The following NEXMIF variants were observed in gnomAD, a reference collection of about 807,000 sequenced individuals.
NEXMIF encodes the protein neurite extension and migration factor.
In NEXMIF, 8 loss-of-function variants were observed where a neutral mutation model predicts 62.1. The observed-to-expected ratio is 0.13, with a 90% CI of 0.08 to 0.23. The LOEUF (loss-of-function observed/expected upper bound fraction) is 0.23. NEXMIF is among the 10% of genes least tolerant of loss of function. The pLI, the probability that NEXMIF is intolerant of heterozygous loss-of-function variation, is 1.00. For synonymous variants in NEXMIF, 404 were observed against 416.6 expected (o/e 0.97, Z 0.37); for missense variants, 976 against 1,113.3 (o/e 0.88, Z 1.75).
intron 1 of NEXMIF, among the ~76,000 whole-genome samples, chrX:74,753,303 C>T (rs928021385): frequency 3.6e-5 from 4 of 111,742 alleles, no homozygotes; most frequent in African/African-American, 1.3e-4. Context: ...TCCCAAACTC[C>T]CCATTTTACA....
intron 1 of NEXMIF, among the ~76,000 whole-genome samples, chrX:74,776,281 T>TC (rs1228780281): frequency 8.9e-6 from 1 of 111,952 alleles, no homozygotes; most frequent in Non-Finnish European, 1.9e-5. Context: ...TATCAATGCC[T>TC]CCCATATGGT....
chrX:74,790,190 A>T (rs1486537778), intron 1 of NEXMIF, among the ~76,000 whole-genome samples: 17 of 109,644 alleles, frequency 1.6e-4, no homozygotes, highest in Non-Finnish European at 2.5e-4. Context: ...AGCTTTCTAC[A>T]TATGGCTAGT....
chrX:74,917,847 G>C (rs2080813128), intron 1 of NEXMIF, among the ~76,000 whole-genome samples: 1 of 111,574 alleles, frequency 9.0e-6, no homozygotes. Context: ...CTTGTGTGTG[G>C]GGTGTGTGAA....
intron 1 of NEXMIF, among the ~76,000 whole-genome samples, chrX:74,792,455 A>T (rs2080287742): frequency 9.4e-6 from 1 of 106,706 alleles, no homozygotes; most frequent in African/African-American, 3.4e-5. Flanking sequence ...TATTCTGTTG[A>T]TTTGGGGTGG....
intron 1 of NEXMIF, among the ~76,000 whole-genome samples, chrX:74,753,942 C>T (rs757560151): frequency 1.8e-5 from 2 of 111,867 alleles, no homozygotes; most frequent in East Asian, 5.6e-4. Flanking sequence ...CTAGGGATAC[C>T]ATGACAAGTA....
At chrX:74,913,248 T>C (rs1021611983) in intron 1 of NEXMIF, among the ~76,000 whole-genome samples, 2 of 111,647 alleles carry the variant, frequency 1.8e-5, no homozygotes, top group African/African-American at 3.3e-5. Context: ...CTCATAAATA[T>C]AATAATCAAA....
Position 74,739,217 on chromosome X carries a change from T to C in NEXMIF, c.*188A>G. The C allele has an allele frequency of 2.9e-6, 1 of 347,262 alleles. No individual in the cohort carries two copies. 28.6% of individuals were successfully genotyped at this position (347,262 alleles called of 1,213,427 possible). On this transcript the variant is annotated 3_prime_UTR_variant, in exon 4 of 4. Coordinates refer to ENST00000055682, the MANE Select transcript of NEXMIF (RefSeq NM_001008537.3). ...AGTTTGGCACAATGTTTTCAATTTT[T>C]TCCTTGTGGGTAAATAGTGCATAAA...
At chrX:74,740,035 G>T (rs1444481174) in intron 3 of NEXMIF, 65 bp downstream of exon 3, 3 of 1,028,241 alleles carry the variant, frequency 2.9e-6, no homozygotes, top group Non-Finnish European at 4.0e-6. Context: ...ATGAGGGACT[G>T]CGGGCTTAGT....
At chrX:74,754,660 T>G (rs1025653894) in intron 1 of NEXMIF, among the ~76,000 whole-genome samples, 4 of 111,307 alleles carry the variant, frequency 3.6e-5, no homozygotes, top group Non-Finnish European at 7.5e-5. Flanking sequence ...CATAGTTTTC[T>G]TTTACTCATT....
chrX:74,764,201 C>A (rs1208398006), intron 1 of NEXMIF, among the ~76,000 whole-genome samples: 11 of 111,567 alleles, frequency 9.9e-5, no homozygotes, highest in Non-Finnish European at 1.7e-4. Flanking sequence ...TTGTCAAAGG[C>A]CTTTTCTGCA....
intron 1 of NEXMIF, among the ~76,000 whole-genome samples, chrX:74,871,729 T>G (rs765642572): frequency 4.5e-5 from 5 of 111,646 alleles, no homozygotes; most frequent in Non-Finnish European, 9.4e-5. Flanking sequence ...AAGAAAAATA[T>G]GTCTCTATTC....
intron 1 of NEXMIF, among the ~76,000 whole-genome samples, chrX:74,912,340 A>C (rs1191398833): frequency 9.0e-6 from 1 of 111,602 alleles, no homozygotes; most frequent in East Asian, 2.8e-4. Context: ...CGTTTCCTCA[A>C]TCAATGGTTA....
intron 1 of NEXMIF, among the ~76,000 whole-genome samples, chrX:74,756,108 C>T (rs1007396502): frequency 9.1e-6 from 1 of 110,195 alleles, no homozygotes; most frequent in Non-Finnish European, 1.9e-5. Context: ...CTCCTGATCT[C>T]GTGATCCACC....
chrX:74,796,245 C>CACATATATATATATATATTATATATAT (rs2080310657), intron 1 of NEXMIF, among the ~76,000 whole-genome samples: 4 of 14,444 alleles, frequency 2.8e-4, no homozygotes, highest in African/African-American at 4.7e-4. Context: ...TATATATATA[C>CACATATATATATATATATTATATATAT]ACATATATAT....
At position 74,895,126 on chromosome X, in the gene NEXMIF, G is replaced by A. The variant is rs758652208; in HGVS notation, c.-48+29757C>T. ...AAACAAATTCGGTGATGTTTCAGGA[G>A]ACAAAATCAACATACAAAAAACAAT... On this transcript the variant is annotated intron_variant, in intron 1 of 3. Transcript: ENST00000055682. 9.8e-5 allele frequency among the ~76,000 whole-genome samples: 11 copies of A among 112,136 alleles called. No homozygotes were observed. In the South Asian group the frequency reaches 4.1e-3, roughly 41 times the overall value.
intron 1 of NEXMIF, among the ~76,000 whole-genome samples, chrX:74,886,960 C>G (rs1416320935): frequency 1.8e-5 from 2 of 110,695 alleles, no homozygotes; most frequent in African/African-American, 6.7e-5. Context: ...AGATATAGAC[C>G]AATGGAACAG....
At chrX:74,779,496 C>A (rs1257242814) in intron 1 of NEXMIF, among the ~76,000 whole-genome samples, 5 of 111,789 alleles carry the variant, frequency 4.5e-5, no homozygotes, top group Non-Finnish European at 5.6e-5. Context: ...TCTCCTTTGC[C>A]AGGCCTTCAG....
At chrX:74,757,350 T>C (rs1415118144) in intron 1 of NEXMIF, among the ~76,000 whole-genome samples, 2 of 112,006 alleles carry the variant, frequency 1.8e-5, no homozygotes, top group Non-Finnish European at 3.8e-5. Flanking sequence ...TAGGGTTTTA[T>C]TTATTTTATT....
chrX:74,841,658 T>C (rs1386133881), intron 1 of NEXMIF, among the ~76,000 whole-genome samples: 1 of 112,144 alleles, frequency 8.9e-6, no homozygotes, highest in Non-Finnish European at 1.9e-5. Context: ...GTTCCTTCAA[T>C]ACCTAGTTTA....
Sources: gnomAD v4.1 joint callset for allele counts (sites outside exome capture counted in the v4.1 genomes callset) on GRCh38, gnomAD v4.1.1 for gene constraint, MANE v1.5 for transcripts, NCBI Gene and HGNC (gene_info 2026-07-23, HGNC 2026-07-21) for gene names.